NKAIN4: variants seen among roughly 807,000 people sequenced by gnomAD.
The protein encoded by NKAIN4 is sodium/potassium transporting ATPase interacting 4.
A neutral mutation model predicts 28.8 loss-of-function variants in NKAIN4; 28 were observed. The observed-to-expected ratio is 0.97, with a 90% confidence interval of 0.72 to 1.33. The LOEUF (loss-of-function observed/expected upper bound fraction) is 1.33, where lower values mean the gene tolerates loss of function less well. Among genes scored for constraint, NKAIN4 ranks in the 40% most tolerant of loss-of-function variants. NKAIN4 has a pLI of 0.00. For synonymous variants in NKAIN4, 122 were observed against 115.6 expected, an observed-to-expected ratio of 1.06 and a Z score of -0.36; for missense variants, 289 against 277.2, an observed-to-expected ratio of 1.04 and a Z score of -0.30.
At chr20:63,242,424 G>C in intron 6 of NKAIN4, 115 bp downstream of exon 6, 1 of 759,056 alleles carries the variant, frequency 1.3e-6, no homozygotes, top group South Asian at 1.4e-5. Flanking sequence ...TGGACGGATG[G>C]ATGGCAGAAC....
chr20:63,242,469 G>A (rs996221218), intron 6 of NKAIN4, 70 bp downstream of exon 6: 2 of 1,075,566 alleles, frequency 1.9e-6, no homozygotes, highest in Non-Finnish European at 2.9e-6. Flanking sequence ...CCCCAAGGAA[G>A]GCAGCCTCTC....
intron 1 of NKAIN4, chr20:63,254,146 C>A: frequency 2.3e-6 from 1 of 435,090 alleles, no homozygotes; most frequent in Non-Finnish European, 4.1e-6. Context: ...GCACCTGTCC[C>A]CGCCGCTCCG....
rs941488940 is a variant in NKAIN4 at position 63,245,046 on chromosome 20, C to T, written c.472-962G>A. Among the ~76,000 whole-genome samples, 3 of 152,206 alleles carry T rather than the reference C, an allele frequency of 2.0e-5. No homozygotes were observed. Among genetic ancestry groups the T allele is most frequent in the African/African-American group, 7.2e-5 (3 of 41,448 alleles). ...AGGCCACCGTGCCCAGGAGAGGAGA[C>T]AGGACACGCAGGCCAGGCCCCAGGG... On this transcript the variant is annotated intron_variant, in intron 4 of 6. Transcript: ENST00000370316. This position sits in a 1 kb window ranked among gnomAD's most constrained non-coding sequence, Gnocchi z 4.7.
intron 3 of NKAIN4, chr20:63,248,049 G>T: frequency 2.9e-6 from 1 of 345,722 alleles, no homozygotes; most frequent in Non-Finnish European, 5.2e-6. Flanking sequence ...CGCTCTCAGG[G>T]GCACCGGGCC....
rs924639201 is a variant in NKAIN4, at chr20:63,245,580, G to A, written c.472-1496C>T. ...CTCTCCCCTCTCCCTGCTGCATGGA[G>A]GCCTGGGATCTGCAGGCCCCGCACC... On this transcript the variant is annotated intron_variant, in intron 4 of 6. Transcript: ENST00000370316. The surrounding 1 kb of genome is among the most constrained non-coding windows in gnomAD (Gnocchi z 4.7). 6.6e-6 allele frequency among the ~76,000 whole-genome samples: 1 copy of A among 151,900 alleles called. No individual in the cohort carries two copies. The highest frequency in any genetic ancestry group is 1.5e-5 in the Non-Finnish European group (1 of 67,978).
intron 5 of NKAIN4, among the ~76,000 whole-genome samples, chr20:63,243,470 C>T (rs2123059252): frequency 6.6e-6 from 1 of 152,270 alleles, no homozygotes; most frequent in South Asian, 2.1e-4. Context: ...CCTTCCCCAC[C>T]CGGCTCTATC....
chr20:63,254,348 G>A, intron 1 of NKAIN4, 49 bp downstream of exon 1: 2 of 1,383,484 alleles, frequency 1.4e-6, no homozygotes, highest in Non-Finnish European at 1.9e-6. Flanking sequence ...AGCCGCCGTG[G>A]GTCGGGCACC....
At chr20:63,244,774 G>A (rs985807286) in intron 4 of NKAIN4, among the ~76,000 whole-genome samples, 10 of 152,212 alleles carry the variant, frequency 6.6e-5, no homozygotes, top group Admixed American at 2.6e-4. Flanking sequence ...GCAAAGGGGG[G>A]GCAGTGCTGC....
intron 2 of NKAIN4, 181 bp from the exon 3 acceptor site, chr20:63,249,076 C>T (rs899055977): frequency 6.9e-6 from 4 of 581,220 alleles, no homozygotes; most frequent in Admixed American, 2.8e-5. Context: ...CCCTGGGACA[C>T]GTCTCAGAGC....
At chr20:63,251,703 A>G (rs2066962372) in intron 1 of NKAIN4, among the ~76,000 whole-genome samples, 1 of 152,194 alleles carries the variant, frequency 6.6e-6, no homozygotes. Context: ...TAATACGGGA[A>G]CAAAGAGTAA....
intron 4 of NKAIN4, chr20:63,246,870 G>A (rs1456427410): frequency 1.0e-6 from 1 of 985,158 alleles, no homozygotes; most frequent in African/African-American, 1.7e-5. Context: ...GGGAGCTGAG[G>A]CACACGGAGG....
chr20:63,254,377 G>A lies in NKAIN4; in HGVS notation c.54+20C>T. ...GGGCACCGGGGGCTCCAGGAGGCTC[G>A]CGGAGGGGTCGCCACTCACCAGCTG... On this transcript the variant is annotated intron_variant, in intron 1 of 6. Transcript: ENST00000370316. 2.1e-6 allele frequency: 3 copies of A among 1,444,722 alleles called. No individual in the cohort carries two copies. The highest frequency in any genetic ancestry group is 1.8e-6 in the Non-Finnish European group (2 of 1,100,124). The allele number at this position is 1,444,722 out of a possible 1,614,324, so 89.5% of individuals were successfully genotyped here.
At chr20:63,247,250 C>T (rs1161550942) in intron 4 of NKAIN4, 3 of 1,265,904 alleles carry the variant, frequency 2.4e-6, no homozygotes, top group Non-Finnish European at 3.0e-6. Flanking sequence ...TGCCCCTCCT[C>T]CTTGGGGCCG....
intron 5 of NKAIN4, among the ~76,000 whole-genome samples, chr20:63,243,591 G>A (rs115777324): frequency 7.2e-5 from 11 of 152,332 alleles, no homozygotes; most frequent in African/African-American, 2.4e-4. Context: ...ACGGGCTGGC[G>A]AGCAAAGGGA....
chr20:63,252,599 C>T lies in NKAIN4; in HGVS notation c.54+1798G>A, dbSNP rs544242137. ...ACAGTGGGCTGCCAGATTGCCAACCCGGCCAGGACAAAAGGCCTTTGACAG... is the reference window on the plus strand; with the variant it reads ...ACAGTGGGCTGCCAGATTGCCAACCTGGCCAGGACAAAAGGCCTTTGACAG... On this transcript the variant is annotated intron_variant, in intron 1 of 6. Transcript: ENST00000370316. This position sits in a 1 kb window ranked among gnomAD's most constrained non-coding sequence, Gnocchi z 4.6. Among the ~76,000 whole-genome samples the T allele has an allele frequency of 1.5e-4, 23 of 152,284 alleles. 1 individual carries two copies. The South Asian group carries it at 3.7e-3, about 25-fold the overall frequency.
In NKAIN4 at chr20:63,250,134, G is replaced by A; in HGVS notation, c.55-62C>T. 4.0e-6 allele frequency: 6 copies of A among 1,501,534 alleles called. No homozygotes were observed. In the South Asian group the frequency reaches 6.6e-5, roughly 16 times the overall value. 93.0% of individuals were successfully genotyped at this position (1,501,534 alleles called of 1,614,324 possible). A position where few individuals can be genotyped will look rare whatever the true frequency, so the allele number is the denominator to read the frequency against. ...AGGGAGGCCCCAGGCCCGCCAGCCA[G>A]GTACTGGGCCAAGGTGACAGGATCT... On this transcript the variant is annotated intron_variant, in intron 1 of 6. Coordinates refer to ENST00000370316, the MANE Select transcript of NKAIN4 (RefSeq NM_152864.4).
chr20:63,247,461 CAG>C, intron 4 of NKAIN4, 115 bp downstream of exon 4: 2 of 1,546,898 alleles, frequency 1.3e-6, no homozygotes, highest in Non-Finnish European at 1.7e-6. Flanking sequence ...ATGAGGAAGG[CAG>C]AGACACGCCT....
At chr20:63,241,656 C>G (rs1601264182) in intron 6 of NKAIN4, 150 bp from the exon 7 acceptor site, 1 of 743,358 alleles carries the variant, frequency 1.3e-6, no homozygotes, top group Admixed American at 2.0e-5. Flanking sequence ...ATGGGTGGGA[C>G]TGAGGCTCTG....
intron 3 of NKAIN4, 70 bp downstream of exon 3, chr20:63,248,744 AG>A: frequency 3.1e-6 from 3 of 964,042 alleles, no homozygotes; most frequent in Non-Finnish European, 1.7e-6. Context: ...AAGCAAACAC[AG>A]GGGGTGTTAC....
Sources: gnomAD v4.1 joint callset for allele counts (sites outside exome capture counted in the v4.1 genomes callset) on GRCh38, gnomAD v4.1.1 for gene constraint, Gnocchi (gnomAD v3.1) non-coding constraint, MANE v1.5 for transcripts, NCBI Gene and HGNC (gene_info 2026-07-23, HGNC 2026-07-21) for gene names.